Variants in EEFSEC observed in about 807,000 individuals in gnomAD.
EEFSEC encodes the protein selenocysteine-specific elongation factor.
EEFSEC carries 43 observed loss-of-function variants against 42.1 expected under a neutral mutation model. The observed-to-expected ratio is 1.02, with a 90% CI of 0.80 to 1.32. The LOEUF (loss-of-function observed/expected upper bound fraction) is 1.32. Ranked by LOEUF, EEFSEC falls within the 40% of genes most tolerant of loss-of-function variation. EEFSEC has a pLI of 0.00. For synonymous variants in EEFSEC, 354 were observed against 339.1 expected (o/e 1.04, Z -0.48); for missense variants, 745 against 803.6 (o/e 0.93, Z 0.88).
At chr3:128,245,737 T>C (rs2066119963) in intron 1 of EEFSEC, among the ~76,000 whole-genome samples, 1 of 152,180 alleles carries the variant, frequency 6.6e-6, no homozygotes, top group Non-Finnish European at 1.5e-5. Context: ...CCTAGACCCA[T>C]GTCTGTGAGT....
chr3:128,220,045 T>G (rs1363562290), intron 1 of EEFSEC, among the ~76,000 whole-genome samples: 1 of 152,206 alleles, frequency 6.6e-6, no homozygotes. Context: ...TAACAGATAT[T>G]TCTGACCACA....
intron 1 of EEFSEC, among the ~76,000 whole-genome samples, chr3:128,211,159 G>T (rs1576547936): frequency 1.3e-5 from 2 of 152,310 alleles, no homozygotes; most frequent in East Asian, 3.9e-4. Flanking sequence ...TTAGCCCAAG[G>T]TATACTATAT....
chr3:128,394,968 A>G (rs1367174787), intron 6 of EEFSEC, among the ~76,000 whole-genome samples: 1 of 152,146 alleles, frequency 6.6e-6, no homozygotes, highest in Non-Finnish European at 1.5e-5. Context: ...GGAAGGAGAG[A>G]GGGAAAGGGC....
chr3:128,412,870 G>A (rs937460898), downstream of EEFSEC, among the ~76,000 whole-genome samples: 4 of 152,156 alleles, frequency 2.6e-5, no homozygotes, highest in East Asian at 5.8e-4. Context: ...GGTGATGCTC[G>A]GGGAGGTGAT....
At chr3:128,246,746 A>T in intron 1 of EEFSEC, 90 bp from the exon 2 acceptor site, 1 of 1,357,872 alleles carries the variant, frequency 7.4e-7, no homozygotes, top group Non-Finnish European at 1.0e-6. Context: ...GCTCACTTTT[A>T]CTGCAGTGCT....
the EEFSEC span, among the ~76,000 whole-genome samples, chr3:128,415,539 G>A: frequency 0.034 from 5,127 of 152,296 alleles, 279 homozygotes; most frequent in African/African-American, 0.11. Context: ...AGTGCTCACC[G>A]TGGGGGGATC....
At chr3:128,165,541 A>G (rs555457478) in intron 1 of EEFSEC, among the ~76,000 whole-genome samples, 1 of 152,230 alleles carries the variant, frequency 6.6e-6, no homozygotes, top group East Asian at 1.9e-4. Flanking sequence ...TTGGCAGGAG[A>G]AAAAACAACT....
Position 128,341,431 on chromosome 3 carries a change from C to A in EEFSEC, c.985C>A (p.Leu329Met). 6.2e-7 allele frequency: 1 copy of A among 1,614,190 alleles called. No individual in the cohort carries two copies. The highest frequency in any genetic ancestry group is 8.5e-7 in the Non-Finnish European group (1 of 1,180,044). Residue 329 changes from leucine (L) to methionine (M), a missense_variant, in exon 5 of 7, where the codon CTG (leucine) becomes ATG (methionine). By Grantham distance (15) the Leu-to-Met change is conservative. Transcript: ENST00000254730. ...AAAGATACCGTATTTCCGGGGGCCC[C>A]TGCAAACCAAGGCCAAGTTCCACAT... ...VEKIPYFRGP[L>M]QTKAKFHITV...
intron 6 of EEFSEC, among the ~76,000 whole-genome samples, chr3:128,393,464 T>C (rs1620440): frequency 0.15 from 23,356 of 152,178 alleles, 1,913 homozygotes; most frequent in Admixed American, 0.21. Flanking sequence ...CCATCCTTAC[T>C]AGCCCTTGGA....
intron 1 of EEFSEC, among the ~76,000 whole-genome samples, chr3:128,158,320 C>G (rs931717144): frequency 6.6e-6 from 1 of 152,194 alleles, no homozygotes; most frequent in Non-Finnish European, 1.5e-5. Flanking sequence ...ATTACATAAA[C>G]TTAGTTGATA....
intron 6 of EEFSEC, among the ~76,000 whole-genome samples, chr3:128,392,821 G>A (rs1010104841): frequency 2.2e-4 from 33 of 152,234 alleles, no homozygotes; most frequent in Admixed American, 1.9e-3. Context: ...CCCTAGGCTC[G>A]CTGTCTGCTG....
chr3:128,284,497 G>T (rs768013423), intron 4 of EEFSEC, among the ~76,000 whole-genome samples: 1 of 152,094 alleles, frequency 6.6e-6, no homozygotes, highest in South Asian at 2.1e-4. Flanking sequence ...GGCCACCAAG[G>T]CTCCTTCCTC....
intron 6 of EEFSEC, among the ~76,000 whole-genome samples, chr3:128,394,024 G>A (rs59180310): frequency 0.015 from 2,254 of 152,244 alleles, 52 homozygotes; most frequent in African/African-American, 0.051. Context: ...GGGGGCGGGG[G>A]GTGCGGAGGT....
chr3:128,284,314 C>G (rs1299271365), intron 4 of EEFSEC, among the ~76,000 whole-genome samples: 1 of 152,204 alleles, frequency 6.6e-6, no homozygotes, highest in Non-Finnish European at 1.5e-5. Flanking sequence ...TCCATCTTTT[C>G]TTGACGACTA....
At chr3:128,154,059 A>T (rs1944316542) in intron 1 of EEFSEC, 3 of 67,002 alleles carry the variant, frequency 4.5e-5, no homozygotes, top group South Asian at 4.6e-4. Context: ...CGCCTTCCTT[A>T]AAAAAAAAAA....
chr3:128,208,723 C>G (rs180899194), intron 1 of EEFSEC, among the ~76,000 whole-genome samples: 1 of 152,310 alleles, frequency 6.6e-6, no homozygotes, highest in Admixed American at 6.5e-5. Flanking sequence ...TGAAAAATCT[C>G]TATCAGATGT....
chr3:128,223,610 A>G (rs2065881148), intron 1 of EEFSEC, among the ~76,000 whole-genome samples: 1 of 152,244 alleles, frequency 6.6e-6, no homozygotes, highest in African/African-American at 2.4e-5. Context: ...ATTACAAAAG[A>G]GTGTACCTTT....
At chr3:128,341,155 C>T (rs973354428) in intron 4 of EEFSEC, 78 bp from the exon 5 acceptor site, 1 of 1,506,846 alleles carries the variant, frequency 6.6e-7, no homozygotes, top group African/African-American at 1.4e-5. Context: ...ACAGGATTCT[C>T]TAGCTGCAGC....
chr3:128,338,468 G>A (rs2067215118), intron 4 of EEFSEC, among the ~76,000 whole-genome samples: 1 of 152,162 alleles, frequency 6.6e-6, no homozygotes. Flanking sequence ...ACCAAACAGT[G>A]AGTCAGGTTC....
Sources: allele counts gnomAD v4.1 joint callset (sites outside exome capture counted in the v4.1 genomes callset), GRCh38; gene constraint gnomAD v4.1.1; transcripts MANE v1.5; gene names NCBI Gene and HGNC (gene_info 2026-07-23, HGNC 2026-07-21).